NLGN1: variants seen among roughly 807,000 people sequenced by gnomAD.
NLGN1 encodes neuroligin 1.
Under a neutral mutation model 65.5 loss-of-function variants are expected in NLGN1, and 12 were observed. The ratio of observed to expected loss-of-function variants is 0.18; its 90% CI spans 0.12 to 0.30. NLGN1 has a LOEUF of 0.30. Among genes scored for constraint, NLGN1 ranks in the 10% least tolerant of loss-of-function variants. The pLI is 1.00. For missense variants in NLGN1, 750 were observed against 1,007.1 expected (o/e 0.74, Z 3.46); for synonymous variants, 350 against 359.5 (o/e 0.97, Z 0.30).
chr3:174,112,994 A>G (rs557667740), intron 4 of NLGN1, among the ~76,000 whole-genome samples: 131 of 152,076 alleles, frequency 8.6e-4, no homozygotes, highest in Admixed American at 1.2e-3. Context: ...ATATGTATAT[A>G]AACACATATA....
intron 3 of NLGN1, among the ~76,000 whole-genome samples, chr3:173,638,399 A>C (rs200774377): frequency 3.2e-4 from 47 of 147,652 alleles, no homozygotes; most frequent in East Asian, 8.0e-4. Flanking sequence ...AAAAAAAAAA[A>C]CCCAATAAAT....
intron 4 of NLGN1, among the ~76,000 whole-genome samples, chr3:173,833,480 A>G (rs1722996324): frequency 6.6e-6 from 1 of 151,812 alleles, no homozygotes; most frequent in African/African-American, 2.4e-5. Flanking sequence ...TTGTCTATGC[A>G]TGCTGCAAGT....
intron 4 of NLGN1, among the ~76,000 whole-genome samples, chr3:174,222,489 T>C (rs1325456927): frequency 1.3e-5 from 2 of 152,216 alleles, no homozygotes; most frequent in African/African-American, 4.8e-5. Context: ...TTATTTTATA[T>C]AGTAAATGGG....
chr3:173,481,862 T>TA (rs1410041233), intron 2 of NLGN1, among the ~76,000 whole-genome samples: 2 of 151,968 alleles, frequency 1.3e-5, no homozygotes, highest in Non-Finnish European at 2.9e-5. Flanking sequence ...TATTTTCATT[T>TA]AAAAAAATCT....
Position 173,401,839 on chromosome 3 carries a change from T to C in NLGN1, c.-390+3352T>C, listed in dbSNP as rs115595244. ...AAACATCCATCAAAGAGGGTCGATATAATTTTTCCACATGCTAAATGTTAA... is the reference window on the plus strand; with the variant it reads ...AAACATCCATCAAAGAGGGTCGATACAATTTTTCCACATGCTAAATGTTAA... On this transcript the variant is annotated intron_variant, in intron 1 of 6. Transcript: ENST00000457714. 5.9e-3 allele frequency among the ~76,000 whole-genome samples: 895 copies of C among 152,304 alleles called. 8 individuals are homozygous for C. Among genetic ancestry groups the C allele is most frequent in the African/African-American group, 0.02 (844 of 41,570 alleles).
rs561482925 is a variant in NLGN1 at position 173,460,814 on chromosome 3, T to C, written c.-321+25736T>C. 2.8e-4 allele frequency among the ~76,000 whole-genome samples: 42 copies of C among 152,264 alleles called. No homozygotes were observed. The South Asian group carries it at 8.7e-3, about 32-fold the overall frequency. On this transcript the variant is annotated intron_variant, in intron 2 of 6. Transcript: ENST00000457714. ...AAGAGAGGTTTTCTGGGATAAACCA[T>C]AGGGAATAAGCATTGGACCTAGTAT...
chr3:173,976,391 C>T (rs759096441), intron 4 of NLGN1, among the ~76,000 whole-genome samples: 5 of 151,890 alleles, frequency 3.3e-5, no homozygotes, highest in Non-Finnish European at 5.9e-5. Flanking sequence ...AGCCTAATTG[C>T]GTGTAAAACT....
At chr3:173,923,588 A>G (rs1742466991) in intron 4 of NLGN1, among the ~76,000 whole-genome samples, 1 of 152,156 alleles carries the variant, frequency 6.6e-6, no homozygotes. Context: ...TTTTGAGAAA[A>G]TATTCTTAGA....
At chr3:173,560,646 G>A (rs142179468) in intron 2 of NLGN1, among the ~76,000 whole-genome samples, 2 of 152,200 alleles carry the variant, frequency 1.3e-5, no homozygotes, top group East Asian at 3.9e-4. Flanking sequence ...TCAAATTTCA[G>A]AGGTTTGTAA....
chr3:173,655,120 A>C (rs1270087567), intron 3 of NLGN1, among the ~76,000 whole-genome samples: 1 of 152,180 alleles, frequency 6.6e-6, no homozygotes, highest in African/African-American at 2.4e-5. Flanking sequence ...AAGTTTGTTA[A>C]ATAAAATTAA....
intron 2 of NLGN1, among the ~76,000 whole-genome samples, chr3:173,439,953 C>A (rs2148790985): frequency 6.6e-6 from 1 of 152,226 alleles, no homozygotes; most frequent in South Asian, 2.1e-4. Flanking sequence ...GGAAAGATTT[C>A]TTTGTATCAT....
At chr3:174,010,094 T>C (rs1725227104) in intron 4 of NLGN1, among the ~76,000 whole-genome samples, 1 of 152,198 alleles carries the variant, frequency 6.6e-6, no homozygotes, top group Non-Finnish European at 1.5e-5. Flanking sequence ...GACTTTTGAA[T>C]GGGTATTCTA....
chr3:174,193,866 T>C (rs1008748794), intron 4 of NLGN1, among the ~76,000 whole-genome samples: 26 of 152,198 alleles, frequency 1.7e-4, no homozygotes, highest in African/African-American at 6.0e-4. Flanking sequence ...TTACAAATTC[T>C]TCTCTGACAT....
At position 174,209,185 on chromosome 3, in the gene NLGN1, A is replaced by G. The variant is rs1192557850; in HGVS notation, c.647-66130A>G. 2.6e-5 allele frequency among the ~76,000 whole-genome samples: 4 copies of G among 152,158 alleles called. No individual in the cohort carries two copies. The East Asian group carries it at 7.7e-4, about 29-fold the overall frequency. ...ACAATTCACCCGCTTCAGTCTCCCA[A>G]AGTGCTGGGATTACAAGTGTGAACC... is the stretch of plus-strand genomic sequence containing the variant. On this transcript the variant is annotated intron_variant, in intron 4 of 6. Coordinates refer to ENST00000457714, the Ensembl canonical transcript of NLGN1.
intron 4 of NLGN1, among the ~76,000 whole-genome samples, chr3:174,210,973 C>G (rs896374503): frequency 6.6e-6 from 1 of 152,108 alleles, no homozygotes; most frequent in Non-Finnish European, 1.5e-5. Flanking sequence ...AATGAAGCCG[C>G]GGACCCTCGC....
At chr3:173,406,774 T>A (rs1352171833) in intron 1 of NLGN1, among the ~76,000 whole-genome samples, 1 of 151,928 alleles carries the variant, frequency 6.6e-6, no homozygotes, top group Non-Finnish European at 1.5e-5. Context: ...TACTTTTTGA[T>A]GAATAACAAG....
intron 2 of NLGN1, among the ~76,000 whole-genome samples, chr3:173,445,874 G>T (rs1172122802): frequency 3.3e-5 from 5 of 152,086 alleles, no homozygotes; most frequent in Non-Finnish European, 7.4e-5. Context: ...CAATATGATT[G>T]CTCTTCTTTA....
intron 4 of NLGN1, among the ~76,000 whole-genome samples, chr3:173,928,150 G>A (rs909806629): frequency 2.0e-5 from 3 of 152,194 alleles, no homozygotes; most frequent in African/African-American, 7.2e-5. Flanking sequence ...TAAGTTGTGA[G>A]TTACCTATTG....
intron 3 of NLGN1, among the ~76,000 whole-genome samples, chr3:173,675,190 A>G (rs1042954992): frequency 1.3e-5 from 2 of 152,174 alleles, no homozygotes; most frequent in African/African-American, 4.8e-5. Flanking sequence ...TTGATTGAAT[A>G]TTTGGAATTG....
Sources: allele counts gnomAD v4.1 joint callset (sites outside exome capture counted in the v4.1 genomes callset), GRCh38; gene constraint gnomAD v4.1.1; transcripts MANE v1.5; gene names NCBI Gene and HGNC (gene_info 2026-07-23, HGNC 2026-07-21).